FMN1: variants seen among roughly 807,000 people sequenced by gnomAD.
FMN1 encodes formin-1.
Under a neutral mutation model 132.4 loss-of-function variants are expected in FMN1, and 110 were observed. That is an observed-to-expected ratio of 0.83 (90% CI 0.71 to 0.97). The LOEUF is 0.97. Ranked by LOEUF, FMN1 falls within the 50% of genes least tolerant of loss-of-function variation. FMN1 has a pLI of 0.00. For missense variants in FMN1, 1,792 were observed against 1,705.3 expected (o/e 1.05, Z -0.90); for synonymous variants, 722 against 651.7 (o/e 1.11, Z -1.64).
intron 19 of FMN1, among the ~76,000 whole-genome samples, chr15:32,794,591 TA>T (rs1041013756): frequency 6.7e-6 from 1 of 149,780 alleles, no homozygotes; most frequent in Non-Finnish European, 1.5e-5. Flanking sequence ...AAATAAAAAA[TA>T]AAAAAGAGTA....
chr15:32,863,218 C>T (rs543567486), intron 16 of FMN1, among the ~76,000 whole-genome samples: 6 of 152,200 alleles, frequency 3.9e-5, no homozygotes, highest in Admixed American at 6.5e-5. Flanking sequence ...CCGAGGCGGG[C>T]GGATCACGAG....
intron 4 of FMN1, 106 bp from the exon 5 acceptor site, chr15:33,089,080 ACTTT>A: frequency 1.1e-6 from 1 of 892,702 alleles, no homozygotes; most frequent in South Asian, 2.1e-5. Context: ...GCTAGCTCTT[ACTTT>A]GCTTTCTAAG....
At chr15:33,039,008 T>TA (rs1458200477) in intron 6 of FMN1, among the ~76,000 whole-genome samples, 1 of 152,164 alleles carries the variant, frequency 6.6e-6, no homozygotes, top group African/African-American at 2.4e-5. Context: ...ATATCTGAAT[T>TA]AAAACAGGCT....
At chr15:33,007,923 A>G in intron 7 of FMN1, 91 bp downstream of exon 7, 2 of 1,097,172 alleles carry the variant, frequency 1.8e-6, no homozygotes, top group Non-Finnish European at 2.7e-6. Flanking sequence ...CTAGTTTAAC[A>G]CTTCAACTTA....
chr15:32,918,525 A>C (rs1261132769), intron 10 of FMN1, among the ~76,000 whole-genome samples: 1 of 152,184 alleles, frequency 6.6e-6, no homozygotes, highest in Non-Finnish European at 1.5e-5. Flanking sequence ...AATCTCATAA[A>C]GCAAAAATCC....
At chr15:32,776,987 A>G (rs1256800071) in intron 19 of FMN1, 68 bp from the exon 20 acceptor site, 2 of 966,276 alleles carry the variant, frequency 2.1e-6, no homozygotes, top group Non-Finnish European at 1.6e-6. Context: ...AGGAAAGAAG[A>G]AAAGAGTTAA....
At chr15:32,905,921 C>T (rs1317546583) in intron 12 of FMN1, among the ~76,000 whole-genome samples, 1 of 152,130 alleles carries the variant, frequency 6.6e-6, no homozygotes, top group African/African-American at 2.4e-5. Flanking sequence ...CACCCTCCCG[C>T]AACTGAGCCC....
At chr15:32,911,917 C>G (rs2060570773) in intron 10 of FMN1, among the ~76,000 whole-genome samples, 1 of 152,228 alleles carries the variant, frequency 6.6e-6, no homozygotes, top group Admixed American at 6.5e-5. Flanking sequence ...GTGTGGAGAT[C>G]ACATAAATCC....
chr15:32,898,256 CA>C (rs1416168419), intron 15 of FMN1, among the ~76,000 whole-genome samples: 7 of 152,178 alleles, frequency 4.6e-5, no homozygotes, highest in Non-Finnish European at 1.0e-4. Flanking sequence ...TAACATCTTA[CA>C]ACAATACCTT....
At chr15:32,805,313 G>A (rs1471825516) in intron 17 of FMN1, among the ~76,000 whole-genome samples, 1 of 152,180 alleles carries the variant, frequency 6.6e-6, no homozygotes, top group African/African-American at 2.4e-5. Context: ...CTTCTTTTGA[G>A]AAGTGTCTGT....
intron 6 of FMN1, among the ~76,000 whole-genome samples, chr15:33,043,689 G>A (rs947157544): frequency 6.6e-6 from 1 of 152,236 alleles, no homozygotes; most frequent in Non-Finnish European, 1.5e-5. Flanking sequence ...TATATGGAGC[G>A]GCCACTGCCA....
intron 4 of FMN1, among the ~76,000 whole-genome samples, chr15:33,145,707 G>T (rs1278749825): frequency 6.6e-6 from 1 of 151,028 alleles, no homozygotes; most frequent in Non-Finnish European, 1.5e-5. Flanking sequence ...CTCTGGACGG[G>T]CATGACTGTC....
chr15:33,096,420 A>C (rs2039086892), intron 4 of FMN1, among the ~76,000 whole-genome samples: 1 of 152,188 alleles, frequency 6.6e-6, no homozygotes, highest in African/African-American at 2.4e-5. Context: ...TGAACTCTTC[A>C]TCAGAGCTGC....
chr15:32,917,536 G>GAGGAA (rs1567388036), intron 10 of FMN1, among the ~76,000 whole-genome samples: 3 of 152,190 alleles, frequency 2.0e-5, no homozygotes, highest in African/African-American at 7.2e-5. Context: ...CTCTGTACCA[G>GAGGAA]GCATTGTTCT....
rs1420599401 is a variant in FMN1, at chr15:32,969,205, C to G, written c.2496G>C (p.Lys832Asn). The change falls in exon 8 of 21, where the codon AAG becomes AAC. Residue 832 changes from lysine to asparagine, a missense_variant. By Grantham distance (94) the Lys-to-Asn change is moderately conservative (BLOSUM62 0). This residue lies in a region of FMN1 where 1,150 missense variants were observed against 1,043.1 expected (regional missense o/e 1.10). Coordinates refer to ENST00000616417, the MANE Select transcript of FMN1 (RefSeq NM_001277313.2). Reference sequence around the variant, plus strand: ...GCTGGCTTAAAGAGGAGATATTCAGCTTTTTGGGTACTAATTGATTACTTC... The same window carrying G: ...GCTGGCTTAAAGAGGAGATATTCAGGTTTTTGGGTACTAATTGATTACTTC... Reference protein sequence around the residue: ...TTRSNQLVPKKLNISSLSQLS... With the variant: ...TTRSNQLVPKNLNISSLSQLS... 1 of 1,613,850 alleles carries G rather than the reference C, an allele frequency of 6.2e-7. No homozygotes were observed. Among genetic ancestry groups the G allele is most frequent in the Admixed American group, 1.7e-5 (1 of 60,006 alleles).
At position 33,075,050 on chromosome 15, in the gene FMN1, A is replaced by C. The variant is rs564343064; in HGVS notation, c.2044-9976T>G. On this transcript the variant is annotated intron_variant, in intron 5 of 20. Transcript: ENST00000616417. ...AAAAAAAAAAAAAAAAAAAAAAAGAACAGACCTTGAGTCCTGGGCTCACAC... is the reference window on the plus strand; with the variant it reads ...AAAAAAAAAAAAAAAAAAAAAAAGACCAGACCTTGAGTCCTGGGCTCACAC... 2.0e-3 allele frequency among the ~76,000 whole-genome samples: 297 copies of C among 148,586 alleles called. 1 individual carries two copies. The highest frequency in any genetic ancestry group is 3.2e-3 in the South Asian group (15 of 4,638).
intron 4 of FMN1, among the ~76,000 whole-genome samples, chr15:33,099,354 A>C (rs1270251087): frequency 6.6e-6 from 1 of 152,226 alleles, no homozygotes; most frequent in Admixed American, 6.5e-5. Context: ...TGACTGACAC[A>C]ATAATTGGCA....
chr15:32,902,117 C>T, intron 12 of FMN1, 77 bp from the exon 13 acceptor site: 3 of 1,308,168 alleles, frequency 2.3e-6, no homozygotes, highest in South Asian at 2.8e-5. Context: ...AAAAGACCCA[C>T]TTTGGGAACA....
chr15:33,194,220 C>T (rs1233260509), intron 1 of FMN1, among the ~76,000 whole-genome samples, 160 bp from the exon 2 acceptor site: 1 of 134,718 alleles, frequency 7.4e-6, no homozygotes, highest in Non-Finnish European at 1.6e-5. Context: ...AAAAAAAGCT[C>T]TGCATCTCTC....
Sources: allele counts gnomAD v4.1 joint callset (sites outside exome capture counted in the v4.1 genomes callset), GRCh38; gene constraint gnomAD v4.1.1; regional missense constraint gnomAD v4.1.1; transcripts MANE v1.5; gene names NCBI Gene and HGNC (gene_info 2026-07-23, HGNC 2026-07-21).